The following CAMK4 variants were observed in gnomAD, a reference collection of about 807,000 sequenced individuals.
CAMK4 encodes the protein calcium/calmodulin dependent protein kinase IV.
A neutral mutation model predicts 44.9 loss-of-function variants in CAMK4; 22 were observed. That is an observed-to-expected ratio of 0.49 (90% CI 0.35 to 0.70). CAMK4 has a LOEUF of 0.70. Among genes scored for constraint, CAMK4 ranks in the 30% least tolerant of loss-of-function variants. CAMK4 has a pLI of 0.01. For synonymous variants in CAMK4, 218 were observed against 215.4 expected, an observed-to-expected ratio of 1.01 and a Z score of -0.11; for missense variants, 498 against 586.8, an observed-to-expected ratio of 0.85 and a Z score of 1.56.
intron 5 of CAMK4, among the ~76,000 whole-genome samples, chr5:111,401,142 T>A (rs981985607): frequency 6.6e-6 from 1 of 152,168 alleles, no homozygotes; most frequent in Non-Finnish European, 1.5e-5. Flanking sequence ...TCTCTTCTCT[T>A]CTCTTCCTTT....
chr5:111,410,855 C>T (rs956793992), intron 5 of CAMK4, among the ~76,000 whole-genome samples: 44 of 152,040 alleles, frequency 2.9e-4, no homozygotes, highest in African/African-American at 3.1e-4. Context: ...ACTGCTTGAC[C>T]GTGGAACTTT....
chr5:111,336,440 C>A (rs1463188801), intron 1 of CAMK4, among the ~76,000 whole-genome samples: 2 of 150,488 alleles, frequency 1.3e-5, no homozygotes, highest in South Asian at 2.1e-4. Flanking sequence ...TATATTTACA[C>A]ACTTAAGTCA....
At chr5:111,457,247 T>G (rs1299578640) in intron 7 of CAMK4, among the ~76,000 whole-genome samples, 1 of 152,164 alleles carries the variant, frequency 6.6e-6, no homozygotes, top group East Asian at 1.9e-4. Context: ...ACAATAATCT[T>G]CTCTTCCTCA....
chr5:111,253,499 G>T (rs1749609675), intron 1 of CAMK4, among the ~76,000 whole-genome samples: 4 of 152,128 alleles, frequency 2.6e-5, no homozygotes, highest in Admixed American at 1.3e-4. Context: ...TTTATGTTCT[G>T]TTTCTTACTT....
intron 2 of CAMK4, among the ~76,000 whole-genome samples, chr5:111,363,823 CAA>C (rs1750689206): frequency 6.6e-6 from 1 of 152,026 alleles, no homozygotes; most frequent in Non-Finnish European, 1.5e-5. Context: ...AGGTCTATGG[CAA>C]AGAGTTTATA....
chr5:111,480,978 T>C (rs980474406), intron 9 of CAMK4, among the ~76,000 whole-genome samples: 10 of 152,264 alleles, frequency 6.6e-5, no homozygotes, highest in African/African-American at 2.4e-4. Context: ...CCCACATCTG[T>C]TGTGTCATCG....
intron 1 of CAMK4, among the ~76,000 whole-genome samples, chr5:111,293,969 G>C (rs777690675): frequency 1.3e-5 from 2 of 151,708 alleles, no homozygotes; most frequent in African/African-American, 4.8e-5. Flanking sequence ...GGATGGTCTC[G>C]ATCTCCTGAC....
chr5:111,363,840 C>T (rs1019244743), intron 2 of CAMK4, among the ~76,000 whole-genome samples: 3 of 152,066 alleles, frequency 2.0e-5, no homozygotes, highest in African/African-American at 4.8e-5. Context: ...TTTATACTTA[C>T]TCTAAGCACA....
intron 5 of CAMK4, among the ~76,000 whole-genome samples, chr5:111,429,630 G>A (rs1417243420): frequency 6.6e-6 from 1 of 151,586 alleles, no homozygotes; most frequent in Non-Finnish European, 1.5e-5. Flanking sequence ...AAAAAAATCA[G>A]CCAGGCATGG....
intron 8 of CAMK4, among the ~76,000 whole-genome samples, 176 bp from the exon 9 acceptor site, chr5:111,478,205 G>A (rs1472005599): frequency 6.6e-6 from 1 of 151,958 alleles, no homozygotes; most frequent in African/African-American, 2.4e-5. Context: ...GGACTTGATT[G>A]TGTGTTTACA....
At chr5:111,251,076 G>T (rs1472864761) in intron 1 of CAMK4, among the ~76,000 whole-genome samples, 2 of 152,206 alleles carry the variant, frequency 1.3e-5, no homozygotes, top group Non-Finnish European at 2.9e-5. Context: ...AATAAAACTG[G>T]CTTCAAAAGT....
intron 4 of CAMK4, among the ~76,000 whole-genome samples, chr5:111,393,673 C>G (rs925990914): frequency 6.6e-6 from 1 of 151,910 alleles, no homozygotes; most frequent in African/African-American, 2.4e-5. Context: ...GATGAGAATA[C>G]ATGGACACAG....
intron 2 of CAMK4, among the ~76,000 whole-genome samples, chr5:111,367,878 A>G (rs1750854047): frequency 6.6e-6 from 1 of 152,098 alleles, no homozygotes; most frequent in Admixed American, 6.6e-5. Flanking sequence ...CCATGTGCCC[A>G]TTGGATGCAG....
At chr5:111,357,581 G>C (rs552224150) in intron 2 of CAMK4, among the ~76,000 whole-genome samples, 15 of 152,120 alleles carry the variant, frequency 9.9e-5, no homozygotes, top group Non-Finnish European at 1.5e-5. Flanking sequence ...AAGCTAAAAA[G>C]ATCAAGTCAT....
intron 1 of CAMK4, among the ~76,000 whole-genome samples, chr5:111,301,403 T>C (rs1303618096): frequency 6.6e-6 from 1 of 152,238 alleles, no homozygotes; most frequent in African/African-American, 2.4e-5. Flanking sequence ...ACTGCTGACT[T>C]GCTCCTACAT....
intron 1 of CAMK4, among the ~76,000 whole-genome samples, chr5:111,288,956 A>G (rs1298495179): frequency 6.6e-6 from 1 of 152,204 alleles, no homozygotes; most frequent in African/African-American, 2.4e-5. Flanking sequence ...AGTCCCATGC[A>G]CAGAGTGCTA....
intron 1 of CAMK4, among the ~76,000 whole-genome samples, chr5:111,267,772 AT>A (rs1369289032): frequency 4.2e-4 from 64 of 151,972 alleles, no homozygotes; most frequent in African/African-American, 1.4e-3. Flanking sequence ...GAATTAGAAT[AT>A]CCCACGTTAC....
chr5:111,476,265 G>A (rs251140), intron 8 of CAMK4, among the ~76,000 whole-genome samples: 30,568 of 116,128 alleles, frequency 0.26, 3,390 homozygotes, highest in South Asian at 0.36. Flanking sequence ...GTGTGTGTGT[G>A]TGTGTTTGTG....
At position 111,494,440 on chromosome 5, in the gene CAMK4, G is replaced by GAATT. The variant is rs967202979; in HGVS notation, c.*9975_*9978dup. 1.9e-4 allele frequency: 29 copies of GAATT among 152,236 alleles called. No individual in the cohort carries two copies. Among genetic ancestry groups the GAATT allele is most frequent in the African/African-American group, 7.0e-4 (29 of 41,554 alleles). The allele number at this position is 152,236 out of a possible 1,614,324, so 9.4% of individuals were successfully genotyped here. The stretch of plus-strand genomic sequence containing the variant: ...TGTACATACAGAAAATGTTTGTAGA[G>GAATT]AATTCATCAAAATCATGCCCATTTG... On this transcript the variant is annotated 3_prime_UTR_variant, in exon 11 of 11. Coordinates refer to ENST00000282356, the MANE Select transcript of CAMK4 (RefSeq NM_001744.6).
Sources: allele counts gnomAD v4.1 joint callset (sites outside exome capture counted in the v4.1 genomes callset), GRCh38; gene constraint gnomAD v4.1.1; transcripts MANE v1.5; gene names NCBI Gene and HGNC (gene_info 2026-07-23, HGNC 2026-07-21).